Variants in DNASE1 observed in about 807,000 individuals in gnomAD.
DNASE1 encodes deoxyribonuclease 1, also known as deoxyribonuclease-1.
A neutral mutation model predicts 33.9 loss-of-function variants in DNASE1; 40 were observed. The ratio of observed to expected loss-of-function variants is 1.18; its 90% confidence interval spans 0.92 to 1.54. The LOEUF is 1.54. DNASE1 is among the 40% of genes most tolerant of loss of function. DNASE1 has a pLI of 0.00. For synonymous variants in DNASE1, 216 were observed against 160.0 expected (o/e 1.35, Z -2.64); for missense variants, 518 against 372.6 (o/e 1.39, Z -3.21).
exon 10 of DNASE1, chr16:3,664,241 C>T: frequency 6.6e-7 from 1 of 1,517,792 alleles, no homozygotes; most frequent in Non-Finnish European, 8.8e-7. Context: ...AGGTTGCAGC[C>T]CCCGGAGCCC....
intron 5 of DNASE1, 53 bp downstream of exon 5, chr16:3,656,806 C>T (rs1167104233): frequency 9.0e-6 from 14 of 1,553,334 alleles, no homozygotes; most frequent in Admixed American, 7.7e-5. Flanking sequence ...ATGGCCTCCA[C>T]CCCCTCCTAG....
intron 1 of DNASE1, among the ~76,000 whole-genome samples, chr16:3,625,264 C>A (rs993002452): frequency 6.6e-6 from 1 of 151,904 alleles, no homozygotes; most frequent in East Asian, 1.9e-4. Context: ...CGAGATCGTA[C>A]CACTGCATTC....
At chr16:3,644,748 GAAAT>G (rs2042122507) in intron 1 of DNASE1, among the ~76,000 whole-genome samples, 1 of 144,106 alleles carries the variant, frequency 6.9e-6, no homozygotes, top group Admixed American at 6.9e-5. Flanking sequence ...AAAAAAAAAA[GAAAT>G]AAAAAATCCA....
upstream of DNASE1, chr16:3,651,886 G>A (rs1264573155): frequency 1.3e-5 from 2 of 152,380 alleles, no homozygotes; most frequent in Non-Finnish European, 2.9e-5. Flanking sequence ...GACTCCACAA[G>A]CCACAGGCTG....
intron 1 of DNASE1, among the ~76,000 whole-genome samples, chr16:3,628,321 A>C (rs758331089): frequency 2.2e-4 from 33 of 151,972 alleles, no homozygotes; most frequent in Non-Finnish European, 4.4e-4. Flanking sequence ...TGTTATTGTA[A>C]TTATTTTTTG....
intron 1 of DNASE1, among the ~76,000 whole-genome samples, chr16:3,625,409 A>AG (rs376548814): frequency 2.9e-4 from 44 of 152,208 alleles, no homozygotes; most frequent in African/African-American, 1.0e-3. Context: ...GCCTGAGCCC[A>AG]TGGTTCAAGG....
rs769752803 is a variant in DNASE1 at position 3,655,817 on chromosome 16, C to T, written c.148-32C>T. ...TGTAGGGTCCCTGGGTGGCACCAGC[C>T]CTGCTCAGCACCACTGTGGCCCTGC... On this transcript the variant is annotated intron_variant, in intron 2 of 8. Coordinates refer to ENST00000246949, the MANE Select transcript of DNASE1 (RefSeq NM_005223.4). 3.7e-6 allele frequency: 6 copies of T among 1,611,542 alleles called. No individual in the cohort carries two copies. The East Asian group carries it at 1.3e-4, about 36-fold the overall frequency.
intron 1 of DNASE1, among the ~76,000 whole-genome samples, chr16:3,644,135 A>G (rs915245587): frequency 6.6e-6 from 1 of 152,236 alleles, no homozygotes; most frequent in African/African-American, 2.4e-5. Context: ...AAAACAGAAA[A>G]GCACAATAAC....
chr16:3,655,601 C>T, intron 2 of DNASE1, 81 bp downstream of exon 2: 1 of 1,601,046 alleles, frequency 6.2e-7, no homozygotes, highest in South Asian at 1.1e-5. Flanking sequence ...CCTATGGAGC[C>T]ACAGGGTGTC....
intron 1 of DNASE1, among the ~76,000 whole-genome samples, chr16:3,636,480 T>C (rs549489884): frequency 1.3e-5 from 2 of 152,352 alleles, no homozygotes; most frequent in African/African-American, 4.8e-5. Flanking sequence ...AATCGTAGTA[T>C]GCCTTGTAAT....
rs1474018476 is a variant in DNASE1 at position 3,663,225 on chromosome 16, G to A, written c.*5272G>A. The A allele has an allele frequency of 2.1e-5, 15 of 721,806 alleles. 1 individual carries two copies. The highest frequency in any genetic ancestry group is 3.3e-5 in the Non-Finnish European group (15 of 449,946). The allele number at this position is 721,806 out of a possible 1,614,324, so 44.7% of individuals were successfully genotyped here. A position where few individuals can be genotyped will look rare whatever the true frequency, so the allele number is the denominator to read the frequency against. On this transcript the variant is annotated 3_prime_UTR_variant, in exon 10 of 10. Coordinates refer to the DNASE1 transcript ENST00000407479. ...GCCAGCTCCAGAAGCCACCGTGGCA[G>A]GAGCACTGGACAGACCCCTGATATC...
At chr16:3,658,390 G>T (rs2042849048), downstream of DNASE1, 2 of 655,816 alleles carry the variant, frequency 3.0e-6, no homozygotes, top group Non-Finnish European at 5.2e-6. Flanking sequence ...AAAGTGCTGG[G>T]ATTACAGGCG....
intron 1 of DNASE1, among the ~76,000 whole-genome samples, chr16:3,624,105 C>T (rs1054364109): frequency 1.3e-5 from 2 of 151,884 alleles, no homozygotes; most frequent in South Asian, 2.1e-4. Context: ...GGTGAAACCC[C>T]GTCTCTACTA....
rs766403477 is a variant in DNASE1, at chr16:3,663,596, CG to C, written c.*5648del. 13 of 1,611,284 alleles carry C rather than the reference CG, an allele frequency of 8.1e-6. No homozygotes were observed. The East Asian group carries it at 2.0e-4, about 25-fold the overall frequency. On this transcript the variant is annotated 3_prime_UTR_variant, in exon 10 of 10. Transcript: ENST00000407479. ...GGCCAAGAGCAGCTCCATCAGACCCCGGGGGCCTCCAGCCACCACAGAAGAA... is the reference window on the plus strand; with the variant it reads ...GGCCAAGAGCAGCTCCATCAGACCCCGGGGCCTCCAGCCACCACAGAAGAA...
rs778027939 is a variant in DNASE1 at position 3,657,947 on chromosome 16, G to T, written c.843G>T (p.Leu281=). The change falls in exon 9 of 9, where the codon CTG becomes CTT. Residue 281 remains leucine, a synonymous_variant. Transcript: ENST00000246949. ...ACCACTATCCAGTGGAGGTGATGCTGAAGTGAGCAGCCCCTCCCCACACCA... is the reference window on the plus strand; with the variant it reads ...ACCACTATCCAGTGGAGGTGATGCTTAAGTGAGCAGCCCCTCCCCACACCA... The part of the protein sequence containing the change: ...ISDHYPVEVM[L]K The T allele has an allele frequency of 2.5e-6, 4 of 1,613,958 alleles. No homozygotes were observed. The highest frequency in any genetic ancestry group is 3.4e-6 in the Non-Finnish European group (4 of 1,179,978).
intron 1 of DNASE1, among the ~76,000 whole-genome samples, chr16:3,614,167 C>G (rs560551751): frequency 6.7e-4 from 102 of 152,192 alleles, no homozygotes; most frequent in African/African-American, 2.1e-3. Context: ...CCGCCTTGGC[C>G]TCCCAGAGTG....
At chr16:3,614,868 C>T (rs2041044324) in intron 1 of DNASE1, among the ~76,000 whole-genome samples, 1 of 152,182 alleles carries the variant, frequency 6.6e-6, no homozygotes, top group Non-Finnish European at 1.5e-5. Flanking sequence ...GTTTTCCAGT[C>T]AGACTGAAAA....
rs140750552 is a variant in DNASE1 at position 3,622,145 on chromosome 16, G to A, written c.-1359+10139G>A. Among the ~76,000 whole-genome samples, 23 of 150,980 alleles carry A rather than the reference G, an allele frequency of 1.5e-4. No individual in the cohort carries two copies. In the East Asian group the frequency reaches 2.5e-3, roughly 17 times the overall value. The stretch of plus-strand genomic sequence containing the variant: ...TGAGGCAGGAGAATCGCTTGAACCC[G>A]GAAGGTGGAGGTTGCAGTGAGCCAA... On this transcript the variant is annotated intron_variant and NMD_transcript_variant, in intron 1 of 11. Coordinates refer to the DNASE1 transcript ENST00000570769.
rs34169414 is a variant in DNASE1 at position 3,618,250 on chromosome 16, T to TA, written c.-1359+6262dup. On this transcript the variant is annotated intron_variant and NMD_transcript_variant, in intron 1 of 11. Transcript: ENST00000570769. ...CATGGCCAGTAGGACAGCCATTTCC[T>TA]AAAAAAAAAAAAAAAAAAGTATTGG... Among the ~76,000 whole-genome samples, 625 of 120,250 alleles carry TA rather than the reference T, an allele frequency of 5.2e-3. 5 individuals are homozygous for TA. The highest frequency in any genetic ancestry group is 0.026 in the Middle Eastern group (6 of 230). 78.9% of individuals were successfully genotyped at this position (120,250 alleles called of 152,430 possible).
Sources: gnomAD v4.1 joint callset for allele counts (sites outside exome capture counted in the v4.1 genomes callset) on GRCh38, gnomAD v4.1.1 for gene constraint, MANE v1.5 for transcripts, NCBI Gene and HGNC (gene_info 2026-07-23, HGNC 2026-07-21) for gene names.